Variants in TRRAP observed in about 807,000 individuals in gnomAD.
TRRAP encodes transformation/transcription domain-associated protein.
In TRRAP, 41 loss-of-function variants were observed where a neutral mutation model predicts 438.8. That is an observed-to-expected ratio of 0.09 (90% confidence interval 0.07 to 0.12). TRRAP has a LOEUF of 0.12. TRRAP is among the 10% of genes least tolerant of loss of function. TRRAP has a pLI of 1.00. For missense variants in TRRAP, 3,122 were observed against 5,055.1 expected (o/e 0.62, Z 11.60); for synonymous variants, 1,994 against 1,962.9 (o/e 1.02, Z -0.42).
Position 99,008,243 on chromosome 7 carries a change from C to T in TRRAP, c.10754-134C>T, listed in dbSNP as rs373185634. ...GAGCAAATGGATGGTGCATGACCACCGGGTTCTTCCAGCTAAGCCCCCAAG... is the reference window on the plus strand; with the variant it reads ...GAGCAAATGGATGGTGCATGACCACTGGGTTCTTCCAGCTAAGCCCCCAAG... On this transcript the variant is annotated intron_variant, in intron 69 of 72. Coordinates refer to ENST00000456197, the MANE Select transcript of TRRAP (RefSeq NM_001375524.1). The T allele has an allele frequency of 7.7e-5, 67 of 865,078 alleles. 1 individual carries two copies. Among genetic ancestry groups the T allele is most frequent in the East Asian group, 5.2e-4 (21 of 40,696 alleles). The allele number at this position is 865,078 out of a possible 1,614,324, so 53.6% of individuals were successfully genotyped here. A position where few individuals can be genotyped will look rare whatever the true frequency, so the allele number is the denominator to read the frequency against.
chr7:98,984,539 A>T (rs909419663), intron 61 of TRRAP, among the ~76,000 whole-genome samples, 181 bp downstream of exon 61: 5 of 152,196 alleles, frequency 3.3e-5, no homozygotes, highest in African/African-American at 1.2e-4. Context: ...AAGCTACTTG[A>T]CTGTGAATTA....
chr7:98,937,402 G>A (rs1790607273), intron 29 of TRRAP, 125 bp downstream of exon 29: 3 of 1,374,228 alleles, frequency 2.2e-6, no homozygotes, highest in Non-Finnish European at 2.9e-6. Flanking sequence ...CTTTATGCAT[G>A]TGGTTATTAC....
At chr7:98,933,216 G>T in intron 26 of TRRAP, 25 bp from the exon 27 acceptor site, 1 of 1,595,490 alleles carries the variant, frequency 6.3e-7, no homozygotes, top group Non-Finnish European at 8.5e-7. Flanking sequence ...GCTGGTGAGT[G>T]GTGCCTCCTC....
At chr7:98,891,504 C>T (rs1795978145) in intron 4 of TRRAP, among the ~76,000 whole-genome samples, 1 of 148,976 alleles carries the variant, frequency 6.7e-6, no homozygotes. Flanking sequence ...CCCGGCCTAC[C>T]ACTTTTTCTA....
chr7:98,907,745 C>G (rs1431821063), intron 13 of TRRAP, among the ~76,000 whole-genome samples: 1 of 152,190 alleles, frequency 6.6e-6, no homozygotes, highest in Non-Finnish European at 1.5e-5. Context: ...ACACTGGCCC[C>G]TGCAGCTCCC....
chr7:98,918,662 A>C (rs1489997452), intron 20 of TRRAP, among the ~76,000 whole-genome samples: 2 of 152,162 alleles, frequency 1.3e-5, no homozygotes, highest in Non-Finnish European at 2.9e-5. Flanking sequence ...TATTGACTCT[A>C]AAGGAAAGAT....
rs147977123 is a variant in TRRAP, at chr7:98,927,299, C to T, written c.3108C>T (p.Pro1036=). Residue 1036 remains proline (P), a synonymous_variant, in exon 23 of 73, where the codon CCC becomes CCT. Transcript: ENST00000456197. ...FMSAVIKDLR[P]SALPFVASLI... is the part of the protein sequence containing the mutation. ...CTGCTGTCATTAAGGACCTGCGGCCCAGCGCCCTGCCCTTTGTCGCCAGCT... is the reference window on the plus strand; with the variant it reads ...CTGCTGTCATTAAGGACCTGCGGCCTAGCGCCCTGCCCTTTGTCGCCAGCT... The T allele has an allele frequency of 1.2e-6, 2 of 1,614,124 alleles. No individual in the cohort carries two copies. Among genetic ancestry groups the T allele is most frequent in the Non-Finnish European group, 1.7e-6 (2 of 1,180,040 alleles).
chr7:99,005,057 T>A lies in TRRAP; in HGVS notation c.10536-74T>A. ...CGTTTTCCCGTGACAGTTCGGACATTCCTAGCTTCTTCTCAAGACAAGGAC... is the reference window on the plus strand; with the variant it reads ...CGTTTTCCCGTGACAGTTCGGACATACCTAGCTTCTTCTCAAGACAAGGAC... On this transcript the variant is annotated intron_variant, in intron 68 of 72. Transcript: ENST00000456197. The surrounding 1 kb of genome is among the most constrained non-coding windows in gnomAD (Gnocchi z 5.1). 3 of 1,496,324 alleles carry A rather than the reference T, an allele frequency of 2.0e-6. No individual in the cohort carries two copies. Among genetic ancestry groups the A allele is most frequent in the South Asian group, 2.3e-5 (2 of 87,420 alleles). 92.7% of individuals were successfully genotyped at this position (1,496,324 alleles called of 1,614,324 possible). A position where few individuals can be genotyped will look rare whatever the true frequency, so the allele number is the denominator to read the frequency against.
At chr7:98,991,226 C>T (rs1054054830) in intron 64 of TRRAP, among the ~76,000 whole-genome samples, 7 of 152,184 alleles carry the variant, frequency 4.6e-5, no homozygotes, top group East Asian at 1.9e-4. Flanking sequence ...GGACCAGAAA[C>T]GGCGGAAGCG....
At chr7:99,001,397 G>A (rs1426536930) in intron 67 of TRRAP, among the ~76,000 whole-genome samples, 2 of 152,208 alleles carry the variant, frequency 1.3e-5, no homozygotes, top group South Asian at 2.1e-4. Flanking sequence ...GGAAGAGTCC[G>A]AGATGAAAGT....
intron 39 of TRRAP, among the ~76,000 whole-genome samples, chr7:98,952,922 A>T (rs566491658): frequency 6.6e-6 from 1 of 151,900 alleles, no homozygotes; most frequent in African/African-American, 2.4e-5. Flanking sequence ...ATTTTTTTCC[A>T]CTGGGCAGAG....
intron 31 of TRRAP, among the ~76,000 whole-genome samples, chr7:98,945,140 T>A (rs1279226550): frequency 6.6e-6 from 1 of 152,226 alleles, no homozygotes; most frequent in African/African-American, 2.4e-5. Context: ...TGATCAGAGT[T>A]CTGCCCCATC....
chr7:98,888,485 C>T (rs1554404290), intron 3 of TRRAP, among the ~76,000 whole-genome samples: 1 of 152,002 alleles, frequency 6.6e-6, no homozygotes, highest in Non-Finnish European at 1.5e-5. Flanking sequence ...TGCAGTGAGC[C>T]AAGATCACGC....
At chr7:98,972,639 T>C (rs1792471159) in intron 53 of TRRAP, among the ~76,000 whole-genome samples, 1 of 152,256 alleles carries the variant, frequency 6.6e-6, no homozygotes, top group South Asian at 2.1e-4. Flanking sequence ...GTCCTGACCT[T>C]GAAAGACTGG....
At chr7:98,999,350 C>T (rs907434150) in intron 67 of TRRAP, 46 of 1,410,260 alleles carry the variant, frequency 3.3e-5, no homozygotes, top group South Asian at 1.3e-4. Context: ...TCAGACTTGA[C>T]AGTGATTCCA....
chr7:98,899,622 G>T, intron 9 of TRRAP, 57 bp from the exon 10 acceptor site: 2 of 1,608,670 alleles, frequency 1.2e-6, no homozygotes, highest in South Asian at 1.1e-5. Context: ...CGGTATGCCA[G>T]ATTTTGTCGC....
intron 60 of TRRAP, 152 bp from the exon 61 acceptor site, chr7:98,983,941 G>A: frequency 2.0e-6 from 2 of 1,001,606 alleles, no homozygotes; most frequent in Non-Finnish European, 2.8e-6. Context: ...AGTTGCTTAT[G>A]GCATAAAATA....
intron 22 of TRRAP, 80 bp downstream of exon 22, chr7:98,925,343 C>G (rs1789998945): frequency 6.4e-7 from 1 of 1,552,482 alleles, no homozygotes; most frequent in Admixed American, 1.9e-5. Context: ...CCCAGGTTTC[C>G]TGGTGCTAGG....
chr7:98,910,115 G>A lies in TRRAP; in HGVS notation c.1410G>A (p.Lys470=), dbSNP rs782773891. The change falls in exon 15 of 73, where the codon AAG becomes AAA. Residue 470 remains lysine, a synonymous_variant. Coordinates refer to ENST00000456197, the MANE Select transcript of TRRAP (RefSeq NM_001375524.1). ...ARYQLSAIFK[K]CKPQSELGAV... ...ACCAGCTCTCTGCCATTTTTAAGAA[G>A]TGTAAGCCTCAGTCAGAACTTGGAG... 1 of 1,605,164 alleles carries A rather than the reference G, an allele frequency of 6.2e-7. No homozygotes were observed. The highest frequency in any genetic ancestry group is 8.5e-7 in the Non-Finnish European group (1 of 1,175,622).
Sources: gnomAD v4.1 joint callset for allele counts (sites outside exome capture counted in the v4.1 genomes callset) on GRCh38, gnomAD v4.1.1 for gene constraint, Gnocchi (gnomAD v3.1) non-coding constraint, MANE v1.5 for transcripts, NCBI Gene and HGNC (gene_info 2026-07-23, HGNC 2026-07-21) for gene names.